The following HRK variants were observed in gnomAD, a reference collection of about 807,000 sequenced individuals.
HRK encodes the protein activator of apoptosis harakiri.
In HRK, 6 loss-of-function variants were observed where a neutral mutation model predicts 5.9. The ratio of observed to expected loss-of-function variants is 1.02; its 90% CI spans 0.56 to 2.01. The LOEUF is 2.01. Ranked by LOEUF, HRK falls within the 30% of genes most tolerant of loss-of-function variation. The probability of loss-of-function intolerance (pLI) is 0.00; values close to 1 mark genes in which losing one functional copy is unlikely to be tolerated. For synonymous variants in HRK, 85 were observed against 65.1 expected (o/e 1.31, Z -1.47); for missense variants, 133 against 128.3 (o/e 1.04, Z -0.18).
Position 116,856,749 on chromosome 12 carries a change from G to A in HRK, c.*4774C>T, listed in dbSNP as rs1293067221. The A allele has an allele frequency of 1.3e-5, 2 of 152,220 alleles. No homozygotes were observed. Among genetic ancestry groups the A allele is most frequent in the African/African-American group, 2.4e-5 (1 of 41,450 alleles). The allele number at this position is 152,220 out of a possible 1,614,324, so 9.4% of individuals were successfully genotyped here. On this transcript the variant is annotated 3_prime_UTR_variant, in exon 2 of 2. Coordinates refer to ENST00000257572, the MANE Select transcript of HRK (RefSeq NM_003806.4). This position sits in a 1 kb window ranked among gnomAD's most constrained non-coding sequence, Gnocchi z 4.4. ...CAGAGCAGTCAGCTCACGAGCGTGG[G>A]GGTCCCATGGACTCGAGTCCAAATC... is the stretch of plus-strand genomic sequence containing the variant.
At chr12:116,865,453 G>T (rs1157888097) in intron 1 of HRK, among the ~76,000 whole-genome samples, 1 of 152,132 alleles carries the variant, frequency 6.6e-6, no homozygotes, top group African/African-American at 2.4e-5. Context: ...CTAGAACCCG[G>T]GAAGTGGAGG....
At chr12:116,875,042 G>GA (rs1397903795) in intron 1 of HRK, among the ~76,000 whole-genome samples, 6 of 150,638 alleles carry the variant, frequency 4.0e-5, no homozygotes, top group Admixed American at 3.3e-4. Flanking sequence ...AAAACTATTG[G>GA]AAAAAAAAAT....
At chr12:116,868,687 T>C (rs1244267703) in intron 1 of HRK, among the ~76,000 whole-genome samples, 1 of 152,190 alleles carries the variant, frequency 6.6e-6, no homozygotes, top group African/African-American at 2.4e-5. Context: ...CATTCACCAG[T>C]TAGTGAATGT....
chr12:116,869,942 T>C (rs1378370425), intron 1 of HRK, among the ~76,000 whole-genome samples: 2 of 152,064 alleles, frequency 1.3e-5, no homozygotes, highest in Non-Finnish European at 1.5e-5. Flanking sequence ...TAGCTGGGCG[T>C]GGTGGTGGGC....
Position 116,881,127 on chromosome 12 carries a change from C to T in HRK, c.181G>A (p.Ala61Thr). The change falls in exon 1 of 2, where the codon GCG (alanine) becomes ACG (threonine). Residue 61 changes from alanine (A) to threonine (T), a missense_variant. Ala to Thr is a moderately conservative substitution (Grantham distance 58). Transcript: ENST00000257572. ...CAGTAGGTGGGGAGCGCGCCGGGCG[C>T]CGGCGCCCTCCGGCTCCGCGCGCGG... ...RRRARSRRAP[A>T]PGALPTYWPW... The T allele has an allele frequency of 8.3e-7, 1 of 1,210,896 alleles. No individual in the cohort carries two copies. Among genetic ancestry groups the T allele is most frequent in the Non-Finnish European group, 1.0e-6 (1 of 975,500 alleles). 75.0% of individuals were successfully genotyped at this position (1,210,896 alleles called of 1,614,324 possible).
rs983924338 is a variant in HRK, at chr12:116,881,339, G to A, written c.-32C>T. 5.7e-6 allele frequency: 6 copies of A among 1,059,738 alleles called. No individual in the cohort carries two copies. The African/African-American group carries it at 1.0e-4, about 18-fold the overall frequency. The allele number at this position is 1,059,738 out of a possible 1,614,324, so 65.6% of individuals were successfully genotyped here. A position where few individuals can be genotyped will look rare whatever the true frequency, so the allele number is the denominator to read the frequency against. On this transcript the variant is annotated 5_prime_UTR_variant, in exon 1 of 2. Coordinates refer to ENST00000257572, the MANE Select transcript of HRK (RefSeq NM_003806.4). ...TGGCCTCGCTCCCGCCCCGCGCTCG[G>A]GCCGCCCCTCGCCTCCTCTCCCTCC...
At chr12:116,863,383 C>A (rs1593004050) in intron 1 of HRK, among the ~76,000 whole-genome samples, 1 of 152,292 alleles carries the variant, frequency 6.6e-6, no homozygotes, top group South Asian at 2.1e-4. Context: ...TACAGTGACA[C>A]CCTCCTGGAG....
intron 1 of HRK, among the ~76,000 whole-genome samples, chr12:116,864,791 G>A (rs1878480209): frequency 1.3e-5 from 2 of 151,976 alleles, no homozygotes; most frequent in Admixed American, 1.3e-4. Context: ...ATATATATAG[G>A]GTTTCTTTCT....
At chr12:116,873,962 G>A (rs556706599) in intron 1 of HRK, among the ~76,000 whole-genome samples, 3 of 152,216 alleles carry the variant, frequency 2.0e-5, no homozygotes, top group Non-Finnish European at 2.9e-5. Flanking sequence ...AGCCAGTGCT[G>A]AGTTGAATGG....
intron 1 of HRK, among the ~76,000 whole-genome samples, chr12:116,865,516 G>A (rs1016633266): frequency 6.6e-6 from 1 of 152,184 alleles, no homozygotes; most frequent in African/African-American, 2.4e-5. Flanking sequence ...AACAGAGCCA[G>A]ACCCTGTCTC....
rs570024379 is a variant in HRK at position 116,879,153 on chromosome 12, G to T, written c.*56+1823C>A. ...GGGAGGGGCACCCGACATCCCGCACGCCTGGTGCCGGAAGGGGAGAGCGTT... is the reference window on the plus strand; with the variant it reads ...GGGAGGGGCACCCGACATCCCGCACTCCTGGTGCCGGAAGGGGAGAGCGTT... On this transcript the variant is annotated intron_variant, in intron 1 of 1. Transcript: ENST00000257572. This position sits in a 1 kb window ranked among gnomAD's most constrained non-coding sequence, Gnocchi z 5.6. 6.6e-6 allele frequency: 1 copy of T among 152,434 alleles called. No individual in the cohort carries two copies. Among genetic ancestry groups the T allele is most frequent in the East Asian group, 1.9e-4 (1 of 5,174 alleles). 9.4% of individuals were successfully genotyped at this position (152,434 alleles called of 1,614,324 possible). A position where few individuals can be genotyped will look rare whatever the true frequency, so the allele number is the denominator to read the frequency against.
rs1221666198 is a variant in HRK at position 116,859,311 on chromosome 12, C to G, written c.*2212G>C. 6.6e-6 allele frequency: 1 copy of G among 152,126 alleles called. No individual in the cohort carries two copies. Among genetic ancestry groups the G allele is most frequent in the African/African-American group, 2.4e-5 (1 of 41,424 alleles). 9.4% of individuals were successfully genotyped at this position (152,126 alleles called of 1,614,324 possible). A position where few individuals can be genotyped will look rare whatever the true frequency, so the allele number is the denominator to read the frequency against. On this transcript the variant is annotated 3_prime_UTR_variant, in exon 2 of 2. Coordinates refer to ENST00000257572, the MANE Select transcript of HRK (RefSeq NM_003806.4). ...CCTGTGTCTACAGGTGGTCAGCATG[C>G]CCCCACTACGATCTTGAAGGTACAG... is the stretch of plus-strand genomic sequence containing the variant.
chr12:116,872,897 AAG>A (rs913281800), intron 1 of HRK, among the ~76,000 whole-genome samples: 9 of 105,966 alleles, frequency 8.5e-5, no homozygotes, highest in African/African-American at 2.0e-4. Flanking sequence ...GAGGGAAAGA[AAG>A]AGAGAAAAAG....
Position 116,859,768 on chromosome 12 carries a change from G to A in HRK, c.*1755C>T, listed in dbSNP as rs4767462. ...AAAACACAAGGAACGGATTTTAAAA[G>A]GAAGACAGAAAGAAATCCAGCTCCC... On this transcript the variant is annotated 3_prime_UTR_variant, in exon 2 of 2. Transcript: ENST00000257572. 0.95 allele frequency: 144,235 copies of A among 152,214 alleles called. 68,412 individuals are homozygous for A. Among genetic ancestry groups the A allele is most frequent in the African/African-American group, 0.98 (40,908 of 41,538 alleles). The allele number at this position is 152,214 out of a possible 1,614,324, so 9.4% of individuals were successfully genotyped here. A position where few individuals can be genotyped will look rare whatever the true frequency, so the allele number is the denominator to read the frequency against.
At chr12:116,870,943 G>C (rs1418436682) in intron 1 of HRK, among the ~76,000 whole-genome samples, 1 of 152,206 alleles carries the variant, frequency 6.6e-6, no homozygotes, top group Non-Finnish European at 1.5e-5. Context: ...ATTTGAGACA[G>C]AGTCTCGCTC....
At chr12:116,867,991 G>T (rs780322483) in intron 1 of HRK, among the ~76,000 whole-genome samples, 3 of 152,150 alleles carry the variant, frequency 2.0e-5, no homozygotes, top group Non-Finnish European at 2.9e-5. Flanking sequence ...TAGTGTTTTT[G>T]TGCTTTCTAA....
intron 1 of HRK, among the ~76,000 whole-genome samples, chr12:116,866,819 C>T (rs1158967368): frequency 6.6e-6 from 1 of 152,172 alleles, no homozygotes; most frequent in Non-Finnish European, 1.5e-5. Context: ...CTCAGCTCAG[C>T]ACAGAATCAA....
intron 1 of HRK, among the ~76,000 whole-genome samples, chr12:116,873,986 G>T (rs1878848503): frequency 1.3e-5 from 2 of 152,316 alleles, no homozygotes; most frequent in African/African-American, 4.8e-5. Flanking sequence ...GAGTTCTAAG[G>T]GTGATGGAAA....
At chr12:116,873,016 T>C (rs1203163603) in intron 1 of HRK, among the ~76,000 whole-genome samples, 1 of 152,228 alleles carries the variant, frequency 6.6e-6, no homozygotes, top group Non-Finnish European at 1.5e-5. Context: ...GCTTAGAATC[T>C]GTCTGGTCTT....
Sources: gnomAD v4.1 joint callset for allele counts (sites outside exome capture counted in the v4.1 genomes callset) on GRCh38, gnomAD v4.1.1 for gene constraint, Gnocchi (gnomAD v3.1) non-coding constraint, MANE v1.5 for transcripts, NCBI Gene and HGNC (gene_info 2026-07-23, HGNC 2026-07-21) for gene names.